Variants in TRPM3 observed in about 807,000 individuals in gnomAD.
TRPM3 encodes long transient receptor potential channel 3.
A neutral mutation model predicts 181.2 loss-of-function variants in TRPM3; 77 were observed. The ratio of observed to expected loss-of-function variants is 0.42; its 90% CI spans 0.35 to 0.51. TRPM3 has a LOEUF of 0.51. TRPM3 is among the 20% of genes least tolerant of loss of function. The pLI, the probability that TRPM3 is intolerant of heterozygous loss-of-function variation, is 0.01. For missense variants in TRPM3, 1,759 were observed against 2,196.7 expected (o/e 0.80, Z 3.98); for synonymous variants, 745 against 796.4 (o/e 0.94, Z 1.09).
intron 1 of TRPM3, among the ~76,000 whole-genome samples, chr9:71,129,416 G>A (rs762097651): frequency 9.9e-5 from 15 of 152,136 alleles, no homozygotes; most frequent in Non-Finnish European, 1.8e-4. Flanking sequence ...TAGTGGCTAT[G>A]TGATAATATT....
At chr9:71,269,070 C>T (rs1440737853) in intron 1 of TRPM3, among the ~76,000 whole-genome samples, 2 of 152,000 alleles carry the variant, frequency 1.3e-5, no homozygotes. Flanking sequence ...GCGAGTGAAC[C>T]AAGATACAGT....
chr9:70,919,389 A>G (rs2096632069), intron 1 of TRPM3, among the ~76,000 whole-genome samples: 3 of 152,208 alleles, frequency 2.0e-5, no homozygotes. Flanking sequence ...CCCAGCCTGG[A>G]AGGGCTTTCT....
chr9:70,594,078 G>A (rs563580685), intron 21 of TRPM3, among the ~76,000 whole-genome samples: 5 of 146,984 alleles, frequency 3.4e-5, no homozygotes, highest in Non-Finnish European at 7.5e-5. Context: ...CACACAAAAC[G>A]AGTAAAAATA....
intron 6 of TRPM3, among the ~76,000 whole-genome samples, chr9:70,806,511 T>C (rs1053037949): frequency 4.6e-5 from 7 of 151,804 alleles, no homozygotes; most frequent in African/African-American, 1.7e-4. Context: ...GCCAATATGG[T>C]GAAACCCAGT....
At chr9:71,290,610 G>C (rs925424234) in intron 1 of TRPM3, among the ~76,000 whole-genome samples, 22 of 151,976 alleles carry the variant, frequency 1.4e-4, no homozygotes, top group South Asian at 4.1e-4. Context: ...TTCAAGAAAT[G>C]ATGGACAAGA....
intron 24 of TRPM3, 77 bp downstream of exon 24, chr9:70,552,767 G>A (rs1477475933): frequency 7.4e-6 from 11 of 1,487,206 alleles, no homozygotes; most frequent in East Asian, 4.5e-5. Context: ...AGGTGGGCAT[G>A]CGATTCTGCG....
intron 1 of TRPM3, among the ~76,000 whole-genome samples, chr9:71,441,100 A>G (rs768703988): frequency 6.6e-6 from 1 of 152,236 alleles, no homozygotes; most frequent in Non-Finnish European, 1.5e-5. Context: ...ATTAAAGCTG[A>G]AACTAAATTA....
At chr9:71,203,208 G>C (rs965299067) in intron 1 of TRPM3, among the ~76,000 whole-genome samples, 1 of 152,200 alleles carries the variant, frequency 6.6e-6, no homozygotes, top group African/African-American at 2.4e-5. Flanking sequence ...GACAGAGCTG[G>C]TTAGAATGCT....
At chr9:71,233,512 G>T (rs749265833) in intron 1 of TRPM3, among the ~76,000 whole-genome samples, 2 of 152,050 alleles carry the variant, frequency 1.3e-5, no homozygotes, top group Non-Finnish European at 2.9e-5. Flanking sequence ...ATTTTGCAAA[G>T]AAATCATCTG....
At chr9:71,314,207 A>T (rs148996430) in intron 1 of TRPM3, among the ~76,000 whole-genome samples, 139 of 152,272 alleles carry the variant, frequency 9.1e-4, no homozygotes, top group African/African-American at 3.1e-3. Context: ...ATAATACCCT[A>T]CTGGCCTTAA....
chr9:71,232,020 C>T (rs79882618), intron 1 of TRPM3, among the ~76,000 whole-genome samples: 5,988 of 152,276 alleles, frequency 0.039, 221 homozygotes, highest in Admixed American at 0.11. Flanking sequence ...ACTCAAAGTA[C>T]TCCAAAGACC....
At chr9:71,444,100 A>C (rs1175113708) in intron 1 of TRPM3, among the ~76,000 whole-genome samples, 1 of 149,028 alleles carries the variant, frequency 6.7e-6, no homozygotes, top group African/African-American at 2.5e-5. Flanking sequence ...AATCACTTGA[A>C]CCAGGGAGGC....
At chr9:71,043,266 T>C (rs1477559984) in intron 1 of TRPM3, among the ~76,000 whole-genome samples, 1 of 152,144 alleles carries the variant, frequency 6.6e-6, no homozygotes, top group African/African-American at 2.4e-5. Context: ...TAGTGGGTGA[T>C]TGATAAACAG....
chr9:71,281,262 G>C (rs1412529503), intron 1 of TRPM3, among the ~76,000 whole-genome samples: 3 of 152,138 alleles, frequency 2.0e-5, no homozygotes, highest in Non-Finnish European at 4.4e-5. Context: ...AGGACACACG[G>C]GATAAAGAAG....
At chr9:70,741,838 G>C (rs1261579417) in intron 8 of TRPM3, among the ~76,000 whole-genome samples, 1 of 152,080 alleles carries the variant, frequency 6.6e-6, no homozygotes, top group Non-Finnish European at 1.5e-5. Context: ...GTGGGAAGGG[G>C]GTGAGGGATA....
intron 9 of TRPM3, among the ~76,000 whole-genome samples, chr9:70,650,734 C>A (rs192120720): frequency 6.9e-4 from 105 of 152,152 alleles, no homozygotes; most frequent in African/African-American, 2.3e-3. Context: ...TCCTCTGTGT[C>A]CTGCACTGGG....
rs773847274 is a variant in TRPM3, at chr9:71,061,264, A to G, written c.177+59914T>C. On this transcript the variant is annotated intron_variant, in intron 1 of 25. Coordinates refer to ENST00000677713, the MANE Select transcript of TRPM3 (RefSeq NM_001366145.2). The stretch of plus-strand genomic sequence containing the variant: ...GCCACTTCCTGCACTACCATGGGGA[A>G]TATGTAATCTTTTTAAATGAATGGA... 2.0e-5 allele frequency among the ~76,000 whole-genome samples: 3 copies of G among 152,110 alleles called. No homozygotes were observed. In the South Asian group the frequency reaches 6.2e-4, roughly 31 times the overall value.
At chr9:71,176,721 C>A (rs1446365754) in intron 1 of TRPM3, among the ~76,000 whole-genome samples, 2 of 152,248 alleles carry the variant, frequency 1.3e-5, no homozygotes, top group Non-Finnish European at 2.9e-5. Context: ...GAGCTCCATT[C>A]ATGGTGCATG....
chr9:70,902,426 T>C (rs2133039009), intron 1 of TRPM3, among the ~76,000 whole-genome samples: 1 of 152,318 alleles, frequency 6.6e-6, no homozygotes, highest in South Asian at 2.1e-4. Context: ...CTGCTTAAGA[T>C]TTATCTTATC....
Sources: allele counts gnomAD v4.1 joint callset (sites outside exome capture counted in the v4.1 genomes callset), GRCh38; gene constraint gnomAD v4.1.1; transcripts MANE v1.5; gene names NCBI Gene and HGNC (gene_info 2026-07-23, HGNC 2026-07-21).